The following RAB3IP variants were observed in gnomAD, a reference collection of about 807,000 sequenced individuals.
The protein encoded by RAB3IP is rab-3A-interacting protein.
RAB3IP carries 36 observed loss-of-function variants against 59.1 expected under a neutral mutation model. The ratio of observed to expected loss-of-function variants is 0.61; its 90% CI spans 0.47 to 0.80. RAB3IP has a LOEUF of 0.80. RAB3IP is among the 30% of genes least tolerant of loss of function. The pLI, the probability that RAB3IP is intolerant of heterozygous loss-of-function variation, is 0.00. For synonymous variants in RAB3IP, 207 were observed against 191.2 expected (o/e 1.08, Z -0.68); for missense variants, 511 against 536.0 (o/e 0.95, Z 0.46).
At chr12:69,740,592 A>G (rs1164560839) in intron 1 of RAB3IP, among the ~76,000 whole-genome samples, 2 of 152,172 alleles carry the variant, frequency 1.3e-5, no homozygotes, top group Non-Finnish European at 2.9e-5. Flanking sequence ...AATACTTGTA[A>G]TCTTTCACCA....
At chr12:69,800,655 A>G (rs17225638) in intron 7 of RAB3IP, among the ~76,000 whole-genome samples, 16,178 of 152,140 alleles carry the variant, frequency 0.11, 1,181 homozygotes, top group Non-Finnish European at 0.16. Context: ...AGTTCTCTAC[A>G]CACTCTGTTA....
intron 8 of RAB3IP, among the ~76,000 whole-genome samples, chr12:69,803,866 T>C (rs1026144628): frequency 3.3e-5 from 5 of 152,368 alleles, no homozygotes; most frequent in Non-Finnish European, 1.5e-5. Context: ...CCATGGTGTA[T>C]ATGTGCCACA....
chr12:69,754,781 C>A (rs1869923404), intron 1 of RAB3IP, among the ~76,000 whole-genome samples: 1 of 152,116 alleles, frequency 6.6e-6, no homozygotes. Flanking sequence ...AAGAGTTTCA[C>A]AGCATAATAT....
Position 69,817,551 on chromosome 12 carries a change from C to G in RAB3IP, c.*2105C>G, listed in dbSNP as rs948964116. The G allele has an allele frequency of 6.6e-6, 1 of 151,796 alleles. No individual in the cohort carries two copies. Among genetic ancestry groups the G allele is most frequent in the Non-Finnish European group, 1.5e-5 (1 of 67,992 alleles). 9.4% of individuals were successfully genotyped at this position (151,796 alleles called of 1,614,324 possible). A position where few individuals can be genotyped will look rare whatever the true frequency, so the allele number is the denominator to read the frequency against. ...CAGTAGTTAGGCATTGTGGCTCATG[C>G]CTGTAATCCCAGCACTTTGGGAGGC... On this transcript the variant is annotated 3_prime_UTR_variant, in exon 11 of 11. Transcript: ENST00000247833.
In RAB3IP at chr12:69,759,754, C is replaced by G. The variant is rs1453188294; in HGVS notation, c.510+3091C>G. Among the ~76,000 whole-genome samples, 3 of 151,612 alleles carry G rather than the reference C, an allele frequency of 2.0e-5. No individual in the cohort carries two copies. In the East Asian group the frequency reaches 5.9e-4, roughly 30 times the overall value. On this transcript the variant is annotated intron_variant, in intron 3 of 10. Coordinates refer to ENST00000247833, the MANE Select transcript of RAB3IP (RefSeq NM_022456.5). ...GGCTGCCGGGCGGGGGCTGACCCCC[C>G]ACCTCCCTCCCGGATGGGGCGGCTG... is the stretch of plus-strand genomic sequence containing the variant.
Position 69,819,043 on chromosome 12 carries a change from C to CT in RAB3IP, c.*3598dup, listed in dbSNP as rs1172799746. On this transcript the variant is annotated 3_prime_UTR_variant, in exon 11 of 11. Coordinates refer to ENST00000247833, the MANE Select transcript of RAB3IP (RefSeq NM_022456.5). ...CTATGATTTCACCTGTGAATAGCTA[C>CT]TATATTCCAACCTGGGCAACGTAGA... 1 of 152,136 alleles carries CT rather than the reference C, an allele frequency of 6.6e-6. No homozygotes were observed. Among genetic ancestry groups the CT allele is most frequent in the African/African-American group, 2.4e-5 (1 of 41,426 alleles). The allele number at this position is 152,136 out of a possible 1,614,324, so 9.4% of individuals were successfully genotyped here.
At chr12:69,745,182 C>G (rs1483801844) in intron 1 of RAB3IP, among the ~76,000 whole-genome samples, 1 of 152,188 alleles carries the variant, frequency 6.6e-6, no homozygotes, top group Non-Finnish European at 1.5e-5. Context: ...ATTGCAAGTC[C>G]TGTGTAATTT....
chr12:69,790,414 CACAG>C (rs149473262), intron 4 of RAB3IP, among the ~76,000 whole-genome samples: 1,741 of 152,116 alleles, frequency 0.011, 30 homozygotes, highest in African/African-American at 0.037. Context: ...GGAATTAAGA[CACAG>C]ATGGAAAGAG....
At chr12:69,768,237 A>T (rs1872547223) in intron 3 of RAB3IP, among the ~76,000 whole-genome samples, 1 of 152,150 alleles carries the variant, frequency 6.6e-6, no homozygotes, top group Admixed American at 6.5e-5. Context: ...CATGGACCAG[A>T]GAGGGTCTTG....
At chr12:69,785,189 T>C (rs1875436225) in intron 4 of RAB3IP, among the ~76,000 whole-genome samples, 1 of 152,172 alleles carries the variant, frequency 6.6e-6, no homozygotes, top group Admixed American at 6.5e-5. Context: ...ATTTGAGAAA[T>C]GTTAGAAGGC....
intron 8 of RAB3IP, among the ~76,000 whole-genome samples, chr12:69,809,605 A>G (rs1329202632): frequency 3.9e-5 from 6 of 151,940 alleles, no homozygotes; most frequent in Non-Finnish European, 8.8e-5. Flanking sequence ...ATTTCTTTTT[A>G]TTCTTTTTTC....
At chr12:69,813,691 A>G (rs1340037745) in intron 10 of RAB3IP, among the ~76,000 whole-genome samples, 1 of 152,052 alleles carries the variant, frequency 6.6e-6, no homozygotes, top group Non-Finnish European at 1.5e-5. Flanking sequence ...AGCACAAATG[A>G]TAGTTTAAAA....
chr12:69,786,127 C>G (rs1875610696), intron 4 of RAB3IP, among the ~76,000 whole-genome samples: 1 of 151,614 alleles, frequency 6.6e-6, no homozygotes, highest in African/African-American at 2.4e-5. Context: ...TAATCTATTT[C>G]ACAGTCTCAG....
chr12:69,783,260 C>A (rs1007975067), intron 3 of RAB3IP, among the ~76,000 whole-genome samples: 3 of 152,148 alleles, frequency 2.0e-5, no homozygotes, highest in Non-Finnish European at 4.4e-5. Context: ...TCCTTTGTCT[C>A]GTAGGTAATC....
At chr12:69,779,083 A>T (rs1823481098) in intron 3 of RAB3IP, 1 of 102,120 alleles carries the variant, frequency 9.8e-6, no homozygotes, top group Non-Finnish European at 2.0e-5. Flanking sequence ...TGGGCGTAGG[A>T]CCCTCTGAGC....
chr12:69,785,725 A>G (rs1875531398), intron 4 of RAB3IP, among the ~76,000 whole-genome samples: 1 of 152,240 alleles, frequency 6.6e-6, no homozygotes, highest in African/African-American at 2.4e-5. Context: ...ATTCTTATCC[A>G]GAAACATTCA....
rs1881057970 is a variant in RAB3IP at position 69,815,659 on chromosome 12, A to G, written c.*213A>G. On this transcript the variant is annotated 3_prime_UTR_variant, in exon 11 of 11. Coordinates refer to ENST00000247833, the MANE Select transcript of RAB3IP (RefSeq NM_022456.5). Reference sequence around the variant, plus strand: ...ACACACTATGAAGAATTCCAGGTGTACTAGTGAATGTAATTTATAGTTGCC... The same window carrying G: ...ACACACTATGAAGAATTCCAGGTGTGCTAGTGAATGTAATTTATAGTTGCC... 2 of 351,662 alleles carry G rather than the reference A, an allele frequency of 5.7e-6. No homozygotes were observed. The highest frequency in any genetic ancestry group is 2.2e-4 in the South Asian group (2 of 9,218). 21.8% of individuals were successfully genotyped at this position (351,662 alleles called of 1,614,324 possible).
At chr12:69,756,765 A>G in intron 3 of RAB3IP, 102 bp downstream of exon 3, 1 of 964,096 alleles carries the variant, frequency 1.0e-6, no homozygotes, top group Non-Finnish European at 1.5e-6. Flanking sequence ...ATGGTTGTAC[A>G]TTTATCCGTC....
intron 3 of RAB3IP, among the ~76,000 whole-genome samples, chr12:69,767,008 G>C (rs1872316734): frequency 6.6e-6 from 1 of 152,160 alleles, no homozygotes; most frequent in Non-Finnish European, 1.5e-5. Context: ...ACTGTTGCTG[G>C]AGAGCTAGTG....
Sources: gnomAD v4.1 joint callset for allele counts (sites outside exome capture counted in the v4.1 genomes callset) on GRCh38, gnomAD v4.1.1 for gene constraint, MANE v1.5 for transcripts, NCBI Gene and HGNC (gene_info 2026-07-23, HGNC 2026-07-21) for gene names.